SPSB4: variants seen among roughly 807,000 people sequenced by gnomAD.
The protein encoded by SPSB4 is SPRY domain-containing SOCS box protein 4.
SPSB4 carries 21 observed loss-of-function variants against 20.9 expected under a neutral mutation model. The ratio of observed to expected loss-of-function variants is 1.01; its 90% CI spans 0.71 to 1.45. The LOEUF (loss-of-function observed/expected upper bound fraction) is 1.45. Among genes scored for constraint, SPSB4 ranks in the 40% most tolerant of loss-of-function variants. SPSB4 has a pLI of 0.00. For missense variants in SPSB4, 399 were observed against 399.2 expected, an observed-to-expected ratio of 1.00 and a Z score of 0.00; for synonymous variants, 207 against 183.8, an observed-to-expected ratio of 1.13 and a Z score of -1.02.
intron 2 of SPSB4, among the ~76,000 whole-genome samples, chr3:141,099,593 G>A (rs1938587988): frequency 1.3e-5 from 2 of 152,180 alleles, no homozygotes; most frequent in Non-Finnish European, 2.9e-5. Context: ...AATGCCATCT[G>A]ATTTCTCAGA....
rs563623027 is a variant in SPSB4 at position 141,145,417 on chromosome 3, G to A, written c.695-1725G>A. Among the ~76,000 whole-genome samples, 39 of 151,998 alleles carry A rather than the reference G, an allele frequency of 2.6e-4. No homozygotes were observed. In the East Asian group the frequency reaches 7.0e-3, roughly 27 times the overall value. ...TCCCCTTATTAACTCTGCAGCTCAG[G>A]TAAATAAAAATTCCTATAAAACATA... is the stretch of plus-strand genomic sequence containing the variant. On this transcript the variant is annotated intron_variant, in intron 2 of 2. Coordinates refer to ENST00000310546, the MANE Select transcript of SPSB4 (RefSeq NM_080862.3).
At chr3:141,136,936 G>A (rs949435235) in intron 2 of SPSB4, among the ~76,000 whole-genome samples, 1 of 152,130 alleles carries the variant, frequency 6.6e-6, no homozygotes, top group African/African-American at 2.4e-5. Context: ...TGGGCAGTAT[G>A]GCCATTTTCA....
chr3:141,082,714 A>G (rs1938261482), intron 2 of SPSB4, among the ~76,000 whole-genome samples: 1 of 152,016 alleles, frequency 6.6e-6, no homozygotes, highest in African/African-American at 2.4e-5. Flanking sequence ...TAATATCCCC[A>G]TTTCACAGAT....
At chr3:141,092,154 C>A (rs771648270) in intron 2 of SPSB4, among the ~76,000 whole-genome samples, 1 of 152,124 alleles carries the variant, frequency 6.6e-6, no homozygotes, top group African/African-American at 2.4e-5. Flanking sequence ...TCCTTTATCC[C>A]GAGCTGGGAG....
At chr3:141,121,700 GA>G in intron 2 of SPSB4, among the ~76,000 whole-genome samples, 1 of 152,082 alleles carries the variant, frequency 6.6e-6, no homozygotes, top group East Asian at 1.9e-4. Context: ...CCACTTGATT[GA>G]ATCGGTTATT....
rs1048481308 is a variant in SPSB4 at position 141,148,070 on chromosome 3, C to T, written c.*801C>T. 6.5e-6 allele frequency: 1 copy of T among 152,680 alleles called. No individual in the cohort carries two copies. Among genetic ancestry groups the T allele is most frequent in the Non-Finnish European group, 1.5e-5 (1 of 68,130 alleles). The allele number at this position is 152,680 out of a possible 1,614,324, so 9.5% of individuals were successfully genotyped here. On this transcript the variant is annotated 3_prime_UTR_variant, in exon 3 of 3. Coordinates refer to ENST00000310546, the MANE Select transcript of SPSB4 (RefSeq NM_080862.3). This position sits in a 1 kb window ranked among gnomAD's most constrained non-coding sequence, Gnocchi z 4.5. ...AAAGAGGAATGCGGAGAGGACAGTACTTAGTCCAAAGGTGCTAACGGGGGA... is the reference window on the plus strand; with the variant it reads ...AAAGAGGAATGCGGAGAGGACAGTATTTAGTCCAAAGGTGCTAACGGGGGA...
chr3:141,102,066 C>A (rs1432604905), intron 2 of SPSB4, among the ~76,000 whole-genome samples: 1 of 152,200 alleles, frequency 6.6e-6, no homozygotes, highest in East Asian at 1.9e-4. Context: ...TTCATGCTTT[C>A]ATTGATTCAT....
intron 2 of SPSB4, among the ~76,000 whole-genome samples, chr3:141,118,500 C>T (rs542977892): frequency 6.3e-4 from 96 of 152,170 alleles, no homozygotes; most frequent in Non-Finnish European, 8.7e-4. Context: ...TTTAATTAGA[C>T]GCCATTTGTC....
intron 2 of SPSB4, among the ~76,000 whole-genome samples, chr3:141,109,068 T>G (rs1469018337): frequency 6.6e-6 from 1 of 152,182 alleles, no homozygotes; most frequent in Non-Finnish European, 1.5e-5. Flanking sequence ...AATTTAGATT[T>G]TACTTATTTT....
At position 141,051,415 on chromosome 3, in the gene SPSB4, G is replaced by A. The variant is rs373087604; in HGVS notation, c.-731G>A. ...GGGAGCGGGCGGCGGCGGCGGAGGA[G>A]GGGGAGGCGGCGGCGGCTGCAGCAT... On this transcript the variant is annotated 5_prime_UTR_variant, in exon 1 of 3. Transcript: ENST00000310546. The A allele has an allele frequency of 8.6e-3, 1,350 of 156,484 alleles. 14 individuals are homozygous for A. Among genetic ancestry groups the A allele is most frequent in the Non-Finnish European group, 0.012 (849 of 71,268 alleles). 9.7% of individuals were successfully genotyped at this position (156,484 alleles called of 1,614,324 possible).
intron 2 of SPSB4, among the ~76,000 whole-genome samples, chr3:141,120,076 A>G (rs1938942300): frequency 6.6e-6 from 1 of 152,142 alleles, no homozygotes; most frequent in African/African-American, 2.4e-5. Flanking sequence ...TCCTCTACAC[A>G]CTGCTTTAAA....
chr3:141,116,717 ATG>A (rs1248795626), intron 2 of SPSB4, among the ~76,000 whole-genome samples: 1 of 152,232 alleles, frequency 6.6e-6, no homozygotes, highest in African/African-American at 2.4e-5. Flanking sequence ...AGTGCTTAGA[ATG>A]TCTCATGACA....
At chr3:141,072,754 C>A (rs1334037098) in intron 2 of SPSB4, among the ~76,000 whole-genome samples, 1 of 152,194 alleles carries the variant, frequency 6.6e-6, no homozygotes, top group Non-Finnish European at 1.5e-5. Context: ...CATGTGGCAA[C>A]AGATTTAAAT....
At chr3:141,083,307 AC>A (rs1353675607) in intron 2 of SPSB4, among the ~76,000 whole-genome samples, 1 of 152,106 alleles carries the variant, frequency 6.6e-6, no homozygotes, top group African/African-American at 2.4e-5. Flanking sequence ...GGGACTGTGT[AC>A]TGTGACTTTT....
At chr3:141,119,643 T>G (rs1320135629) in intron 2 of SPSB4, among the ~76,000 whole-genome samples, 2 of 151,950 alleles carry the variant, frequency 1.3e-5, no homozygotes, top group African/African-American at 4.8e-5. Context: ...TAAATAGCTC[T>G]TATTATTTAT....
At chr3:141,086,762 A>G (rs1283896940) in intron 2 of SPSB4, among the ~76,000 whole-genome samples, 1 of 152,256 alleles carries the variant, frequency 6.6e-6, no homozygotes, top group Non-Finnish European at 1.5e-5. Context: ...TTATAAAATG[A>G]TACCGTGTCC....
intron 1 of SPSB4, among the ~76,000 whole-genome samples, chr3:141,064,608 C>G (rs1458277234): frequency 3.9e-5 from 6 of 152,042 alleles, no homozygotes; most frequent in African/African-American, 1.2e-4. Flanking sequence ...TGGACTTTGG[C>G]TAGGGGTGTA....
rs546653171 is a variant in SPSB4, at chr3:141,059,498, G to A, written c.-153-6454G>A. ...CATGGTGAAAACAAGAGCAAGAGGCGGGGGTGGGGAGGTGTCACACACTTT... is the reference window on the plus strand; with the variant it reads ...CATGGTGAAAACAAGAGCAAGAGGCAGGGGTGGGGAGGTGTCACACACTTT... On this transcript the variant is annotated intron_variant, in intron 1 of 2. Coordinates refer to ENST00000310546, the MANE Select transcript of SPSB4 (RefSeq NM_080862.3). Among the ~76,000 whole-genome samples, 14 of 151,744 alleles carry A rather than the reference G, an allele frequency of 9.2e-5. No individual in the cohort carries two copies. In the South Asian group the frequency reaches 1.7e-3, roughly 18 times the overall value.
intron 2 of SPSB4, among the ~76,000 whole-genome samples, chr3:141,092,244 AT>A (rs1414382967): frequency 6.6e-6 from 1 of 152,246 alleles, no homozygotes; most frequent in Non-Finnish European, 1.5e-5. Flanking sequence ...GCTTCTCAGC[AT>A]TGTTTAAGGA....
Sources: allele counts gnomAD v4.1 joint callset (sites outside exome capture counted in the v4.1 genomes callset), GRCh38; gene constraint gnomAD v4.1.1; non-coding constraint Gnocchi (gnomAD v3.1); transcripts MANE v1.5; gene names NCBI Gene and HGNC (gene_info 2026-07-23, HGNC 2026-07-21).